Variants in LRRC4C observed in about 807,000 individuals in gnomAD.
The protein encoded by LRRC4C is leucine rich repeat containing 4C.
LRRC4C carries 5 observed loss-of-function variants against 33.6 expected under a neutral mutation model. The observed-to-expected ratio is 0.15, with a 90% CI of 0.08 to 0.31. The LOEUF (loss-of-function observed/expected upper bound fraction) is 0.31. LRRC4C is among the 10% of genes least tolerant of loss of function. The pLI, the probability that LRRC4C is intolerant of heterozygous loss-of-function variation, is 1.00. For synonymous variants in LRRC4C, 329 were observed against 302.0 expected (o/e 1.09, Z -0.93); for missense variants, 560 against 796.7 (o/e 0.70, Z 3.58).
chr11:41,218,158 T>C lies in LRRC4C; in HGVS notation c.-496+241273A>G, dbSNP rs567399129. On this transcript the variant is annotated intron_variant, in intron 1 of 6. Transcript: ENST00000528697. ...GGTCACCAAAAAAAAAAAAAAACTT[T>C]AGTCACCTTTGTTACTTCACCCATA... Among the ~76,000 whole-genome samples the C allele has an allele frequency of 3.6e-4, 55 of 151,352 alleles. 1 individual carries two copies. In the South Asian group the frequency reaches 6.5e-3, roughly 18 times the overall value.
chr11:40,967,686 A>T (rs1304947915), intron 1 of LRRC4C, among the ~76,000 whole-genome samples: 1 of 152,010 alleles, frequency 6.6e-6, no homozygotes, highest in Non-Finnish European at 1.5e-5. Context: ...TATAAGACAG[A>T]AAACTTAATG....
chr11:41,233,868 C>T (rs937720862), intron 1 of LRRC4C, among the ~76,000 whole-genome samples: 44 of 151,920 alleles, frequency 2.9e-4, no homozygotes, highest in African/African-American at 1.1e-3. Flanking sequence ...AGTTCATAGA[C>T]TAGTCCTTAG....
At chr11:40,830,380 G>A (rs1471150663) in intron 2 of LRRC4C, among the ~76,000 whole-genome samples, 6 of 152,018 alleles carry the variant, frequency 3.9e-5, no homozygotes, top group Non-Finnish European at 8.8e-5. Context: ...ACTACTGACT[G>A]TTCCTGACGT....
intron 5 of LRRC4C, among the ~76,000 whole-genome samples, chr11:40,161,554 G>A (rs1859157380): frequency 6.6e-6 from 1 of 152,130 alleles, no homozygotes; most frequent in Non-Finnish European, 1.5e-5. Context: ...AGGAGTTCAA[G>A]ACCAGCCTGG....
intron 1 of LRRC4C, among the ~76,000 whole-genome samples, chr11:41,437,291 GTC>G (rs1037321496): frequency 6.6e-6 from 1 of 152,138 alleles, no homozygotes; most frequent in South Asian, 2.1e-4. Flanking sequence ...GTACAGTCTA[GTC>G]TCTCTGAAAT....
At chr11:40,193,692 G>T (rs1010166335) in intron 5 of LRRC4C, among the ~76,000 whole-genome samples, 4 of 152,074 alleles carry the variant, frequency 2.6e-5, no homozygotes, top group Non-Finnish European at 1.5e-5. Context: ...CCAATGCAGG[G>T]AAGCTAAGAA....
chr11:40,587,881 T>C (rs1432712285), intron 3 of LRRC4C, among the ~76,000 whole-genome samples: 1 of 152,216 alleles, frequency 6.6e-6, no homozygotes, highest in Admixed American at 6.5e-5. Flanking sequence ...GTTTTGCCAC[T>C]ATTTTATTGA....
At chr11:40,774,578 T>C (rs1949901990) in intron 2 of LRRC4C, among the ~76,000 whole-genome samples, 1 of 152,136 alleles carries the variant, frequency 6.6e-6, no homozygotes. Context: ...AAAGATTCAA[T>C]AAAGTTGAGA....
At chr11:41,454,771 C>T (rs772545568) in intron 1 of LRRC4C, among the ~76,000 whole-genome samples, 1 of 152,110 alleles carries the variant, frequency 6.6e-6, no homozygotes, top group Non-Finnish European at 1.5e-5. Flanking sequence ...AGCTTTCTGT[C>T]TCCAATTTTA....
At chr11:40,634,845 G>A (rs1217386196) in intron 3 of LRRC4C, among the ~76,000 whole-genome samples, 1 of 152,028 alleles carries the variant, frequency 6.6e-6, no homozygotes, top group African/African-American at 2.4e-5. Flanking sequence ...AGCTATGATA[G>A]CGCCATTGTT....
intron 1 of LRRC4C, among the ~76,000 whole-genome samples, chr11:41,255,390 T>C (rs1233329294): frequency 6.6e-6 from 1 of 152,038 alleles, no homozygotes; most frequent in Non-Finnish European, 1.5e-5. Context: ...CTGGCTATAG[T>C]AGAGATTTTA....
chr11:40,420,418 A>G (rs915188185), intron 3 of LRRC4C, among the ~76,000 whole-genome samples: 3 of 152,018 alleles, frequency 2.0e-5, no homozygotes, highest in African/African-American at 7.2e-5. Flanking sequence ...TTTTCCACCC[A>G]ACTTCCCTCA....
intron 2 of LRRC4C, among the ~76,000 whole-genome samples, chr11:40,678,967 A>T (rs1944544937): frequency 6.6e-6 from 1 of 152,120 alleles, no homozygotes; most frequent in Non-Finnish European, 1.5e-5. Flanking sequence ...AGACAGGAAA[A>T]TGTGGGAAAG....
chr11:41,207,701 G>A (rs1590935560), intron 1 of LRRC4C, among the ~76,000 whole-genome samples: 1 of 152,178 alleles, frequency 6.6e-6, no homozygotes, highest in Non-Finnish European at 1.5e-5. Context: ...AAGCCAAGAA[G>A]TGAGGCTTCA....
chr11:40,147,667 G>T (rs1283898085), intron 5 of LRRC4C, among the ~76,000 whole-genome samples: 2 of 152,030 alleles, frequency 1.3e-5, no homozygotes, highest in Non-Finnish European at 2.9e-5. Context: ...AGATGAGGTA[G>T]ACATAATTGT....
intron 5 of LRRC4C, among the ~76,000 whole-genome samples, chr11:40,211,732 TA>T (rs1863619880): frequency 6.6e-6 from 1 of 152,182 alleles, no homozygotes; most frequent in South Asian, 2.1e-4. Context: ...AAATGTCAGG[TA>T]AACATTCCAA....
intron 2 of LRRC4C, among the ~76,000 whole-genome samples, chr11:40,666,404 T>C (rs965201420): frequency 2.0e-5 from 3 of 152,150 alleles, no homozygotes; most frequent in African/African-American, 7.2e-5. Context: ...GAGAAGGTCA[T>C]GTTTGAAGTA....
chr11:41,417,965 CAAATATATACGT>C (rs1417787575), intron 1 of LRRC4C, among the ~76,000 whole-genome samples: 3 of 150,126 alleles, frequency 2.0e-5, no homozygotes, highest in Non-Finnish European at 3.0e-5. Flanking sequence ...CAAATATATA[CAAATATATACGT>C]GTATATATAT....
chr11:41,046,150 C>T (rs1017127250), intron 1 of LRRC4C, among the ~76,000 whole-genome samples: 6 of 152,178 alleles, frequency 3.9e-5, no homozygotes, highest in African/African-American at 1.2e-4. Flanking sequence ...AAAGGAATAA[C>T]TCTATATTAT....
Sources: gnomAD v4.1 joint callset for allele counts (sites outside exome capture counted in the v4.1 genomes callset) on GRCh38, gnomAD v4.1.1 for gene constraint, MANE v1.5 for transcripts, NCBI Gene and HGNC (gene_info 2026-07-23, HGNC 2026-07-21) for gene names.